Variants in KDM1B observed in about 807,000 individuals in gnomAD.
KDM1B encodes lysine demethylase 1B, also known as lysine-specific histone demethylase 2.
KDM1B carries 63 observed loss-of-function variants against 107.4 expected under a neutral mutation model. That is an observed-to-expected ratio of 0.59 (90% CI 0.48 to 0.72). The LOEUF (loss-of-function observed/expected upper bound fraction) is 0.72. Among genes scored for constraint, KDM1B ranks in the 30% least tolerant of loss-of-function variants. The pLI is 0.00. For missense variants in KDM1B, 749 were observed against 1,020.8 expected, an observed-to-expected ratio of 0.73 and a Z score of 3.63; for synonymous variants, 363 against 363.9, an observed-to-expected ratio of 1.00 and a Z score of 0.03.
chr6:18,200,872 C>T lies in KDM1B; in HGVS notation c.1359+296C>T, dbSNP rs1787986920. 6.6e-6 allele frequency among the ~76,000 whole-genome samples: 1 copy of T among 152,126 alleles called. No homozygotes were observed. The highest frequency in any genetic ancestry group is 2.4e-5 in the African/African-American group (1 of 41,414). Reference sequence around the variant, plus strand: ...TTAGCATATAAAAATCCAGAATTCTCAATTAAATTTCATTTTCAGATAAAC... The same window carrying T: ...TTAGCATATAAAAATCCAGAATTCTTAATTAAATTTCATTTTCAGATAAAC... On this transcript the variant is annotated intron_variant, in intron 13 of 21. Coordinates refer to ENST00000650836, the MANE Select transcript of KDM1B (RefSeq NM_001364614.2). This position sits in a 1 kb window ranked among gnomAD's most constrained non-coding sequence, Gnocchi z 4.3.
intron 7 of KDM1B, among the ~76,000 whole-genome samples, chr6:18,182,931 T>C (rs1043050513): frequency 1.6e-4 from 24 of 152,218 alleles, no homozygotes; most frequent in African/African-American, 5.5e-4. Context: ...TTTTAAACAT[T>C]TACTGTTCCT....
chr6:18,212,327 T>G lies in KDM1B; in HGVS notation c.1867-161T>G. ...TCTTCCCTGTGGTTGCCACTTCTGC[T>G]TAGCCAGGCATTGGCACCCTTGTGC... On this transcript the variant is annotated intron_variant, in intron 17 of 21. Coordinates refer to ENST00000650836, the MANE Select transcript of KDM1B (RefSeq NM_001364614.2). This position sits in a 1 kb window ranked among gnomAD's most constrained non-coding sequence, Gnocchi z 5.2. 3 of 667,612 alleles carry G rather than the reference T, an allele frequency of 4.5e-6. No individual in the cohort carries two copies. Among genetic ancestry groups the G allele is most frequent in the Admixed American group, 2.2e-5 (1 of 44,966 alleles). The allele number at this position is 667,612 out of a possible 1,614,324, so 41.4% of individuals were successfully genotyped here.
intron 6 of KDM1B, among the ~76,000 whole-genome samples, chr6:18,167,227 C>T (rs968234642): frequency 4.0e-5 from 6 of 151,446 alleles, no homozygotes; most frequent in Non-Finnish European, 8.8e-5. Context: ...CGTGGTGGCG[C>T]GCGCCTGTTG....
Position 18,196,979 on chromosome 6 carries a change from A to G in KDM1B, c.970-78A>G. On this transcript the variant is annotated intron_variant, in intron 10 of 21. Coordinates refer to ENST00000650836, the MANE Select transcript of KDM1B (RefSeq NM_001364614.2). ...TTCAGATCTTTTACTTGTCTTTTAAATGGATTGTTTTCCTGCTATTGTTTG... is the reference window on the plus strand; with the variant it reads ...TTCAGATCTTTTACTTGTCTTTTAAGTGGATTGTTTTCCTGCTATTGTTTG... The G allele has an allele frequency of 4.6e-6, 6 of 1,307,312 alleles. No individual in the cohort carries two copies. The South Asian group carries it at 6.7e-5, about 15-fold the overall frequency. The allele number at this position is 1,307,312 out of a possible 1,614,324, so 81.0% of individuals were successfully genotyped here.
intron 21 of KDM1B, 53 bp downstream of exon 21, chr6:18,217,938 A>C: frequency 6.4e-7 from 1 of 1,566,800 alleles, no homozygotes; most frequent in Non-Finnish European, 8.7e-7. Flanking sequence ...TCTGTCTTTC[A>C]TCTAAAATGA....
intron 5 of KDM1B, among the ~76,000 whole-genome samples, chr6:18,163,386 C>T (rs1000100555): frequency 9.9e-5 from 15 of 152,172 alleles, no homozygotes; most frequent in Non-Finnish European, 1.8e-4. Context: ...AGTCAAAGTT[C>T]TGGAACATCT....
chr6:18,159,991 C>G lies in KDM1B; in HGVS notation c.87+9C>G, dbSNP rs1460303433. 1 of 1,563,274 alleles carries G rather than the reference C, an allele frequency of 6.4e-7. No individual in the cohort carries two copies. The highest frequency in any genetic ancestry group is 8.7e-7 in the Non-Finnish European group (1 of 1,149,114). On this transcript the variant is annotated intron_variant, in intron 3 of 21. Transcript: ENST00000650836. The surrounding 1 kb of genome is among the most constrained non-coding windows in gnomAD (Gnocchi z 4.5). Reference sequence around the variant, plus strand: ...GGAGCTCCGGTAGGCAGGTAGTGTTCATTTATTCATTCAACAAGCCTTTTT... The same window carrying G: ...GGAGCTCCGGTAGGCAGGTAGTGTTGATTTATTCATTCAACAAGCCTTTTT...
chr6:18,155,436 A>AGCGGCGGCG lies in KDM1B; in HGVS notation c.-181_-173dup, dbSNP rs545050827. On this transcript the variant is annotated 5_prime_UTR_variant, in exon 1 of 22. Transcript: ENST00000650836. This position sits in a 1 kb window ranked among gnomAD's most constrained non-coding sequence, Gnocchi z 6.2. ...CGGGTCACGCCGTGACAGGGGCGGA[A>AGCGGCGGCG]GCGGCGGCGGCGGCGGCGGCCGAGA... 12 of 158,134 alleles carry AGCGGCGGCG rather than the reference A, an allele frequency of 7.6e-5. No individual in the cohort carries two copies. The highest frequency in any genetic ancestry group is 3.2e-3 in the Middle Eastern group (1 of 310). 9.8% of individuals were successfully genotyped at this position (158,134 alleles called of 1,614,324 possible).
At chr6:18,176,964 G>C (rs1786055812) in intron 7 of KDM1B, among the ~76,000 whole-genome samples, 2 of 152,150 alleles carry the variant, frequency 1.3e-5, no homozygotes, top group African/African-American at 2.4e-5. Flanking sequence ...TCCTGGTTTT[G>C]GTATTAGGGT....
At chr6:18,164,440 C>T (rs911400768) in intron 5 of KDM1B, among the ~76,000 whole-genome samples, 15 of 151,838 alleles carry the variant, frequency 9.9e-5, no homozygotes, top group Admixed American at 3.3e-4. Context: ...CACGCCTGGC[C>T]GTCATGTATT....
At chr6:18,216,735 A>C (rs571111683) in intron 20 of KDM1B, among the ~76,000 whole-genome samples, 4 of 152,312 alleles carry the variant, frequency 2.6e-5, no homozygotes, top group African/African-American at 9.6e-5. Flanking sequence ...CTCAGGAGTC[A>C]TCTCTGTTAT....
rs1789892405 is a variant in KDM1B at position 18,223,115 on chromosome 6, A to G, written c.*1123A>G. On this transcript the variant is annotated 3_prime_UTR_variant, in exon 22 of 22. Coordinates refer to ENST00000650836, the MANE Select transcript of KDM1B (RefSeq NM_001364614.2). ...TGGTTGCAGGGTCTTCAGGATGCCTATTTTGCCAAGAAACTTCAGTATACA... is the reference window on the plus strand; with the variant it reads ...TGGTTGCAGGGTCTTCAGGATGCCTGTTTTGCCAAGAAACTTCAGTATACA... 1 of 152,572 alleles carries G rather than the reference A, an allele frequency of 6.6e-6. No individual in the cohort carries two copies. The highest frequency in any genetic ancestry group is 2.4e-5 in the African/African-American group (1 of 41,426). 9.5% of individuals were successfully genotyped at this position (152,572 alleles called of 1,614,324 possible).
Position 18,201,471 on chromosome 6 carries a change from C to G in KDM1B, c.1360-15C>G, listed in dbSNP as rs779329244. On this transcript the variant is annotated splice_polypyrimidine_tract_variant and intron_variant, in intron 13 of 21. Transcript: ENST00000650836. The surrounding 1 kb of genome is among the most constrained non-coding windows in gnomAD (Gnocchi z 4.3). ...CAGGGAAAATTTTCACCTTCTTATT[C>G]TTATTATTTTGAAGCTTGGCATCAG... 15 of 1,537,762 alleles carry G rather than the reference C, an allele frequency of 9.8e-6. No homozygotes were observed. In the South Asian group the frequency reaches 1.7e-4, roughly 17 times the overall value.
chr6:18,209,424 A>G lies in KDM1B; in HGVS notation c.1866+1218A>G, dbSNP rs1157186776. Among the ~76,000 whole-genome samples the G allele has an allele frequency of 6.6e-6, 1 of 152,204 alleles. No homozygotes were observed. Among genetic ancestry groups the G allele is most frequent in the East Asian group, 1.9e-4 (1 of 5,200 alleles). On this transcript the variant is annotated intron_variant, in intron 17 of 21. Coordinates refer to ENST00000650836, the MANE Select transcript of KDM1B (RefSeq NM_001364614.2). The surrounding 1 kb of genome is among the most constrained non-coding windows in gnomAD (Gnocchi z 4.3). ...GTAAAGGACTGCATGTCACATGGGA[A>G]AGACAGGTCTAGGGAATGAGTTAGT...
At chr6:18,166,769 G>T (rs559174600) in intron 6 of KDM1B, among the ~76,000 whole-genome samples, 3 of 151,612 alleles carry the variant, frequency 2.0e-5, no homozygotes, top group African/African-American at 7.3e-5. Context: ...TTGGGGAATT[G>T]CTTGAGCTCA....
rs1387887670 is a variant in KDM1B at position 18,159,753 on chromosome 6, G to T, written c.-13-130G>T. 1.6e-6 allele frequency: 1 copy of T among 610,514 alleles called. No homozygotes were observed. The highest frequency in any genetic ancestry group is 2.8e-6 in the Non-Finnish European group (1 of 352,690). 37.8% of individuals were successfully genotyped at this position (610,514 alleles called of 1,614,324 possible). On this transcript the variant is annotated intron_variant, in intron 2 of 21. Coordinates refer to ENST00000650836, the MANE Select transcript of KDM1B (RefSeq NM_001364614.2). The surrounding 1 kb of genome is among the most constrained non-coding windows in gnomAD (Gnocchi z 4.5). The stretch of plus-strand genomic sequence containing the variant: ...CAAGAATGTCTCAAAAGAAAAGAAA[G>T]AAAACTGTAGCTTTGTATTTAGGCA...
intron 12 of KDM1B, among the ~76,000 whole-genome samples, chr6:18,199,043 A>G (rs1193138082): frequency 6.7e-6 from 1 of 149,620 alleles, no homozygotes; most frequent in Non-Finnish European, 1.5e-5. Flanking sequence ...AGAAAAAAAC[A>G]GAAAATTAGC....
At chr6:18,179,851 T>TC (rs1297671272) in intron 7 of KDM1B, among the ~76,000 whole-genome samples, 1 of 10,582 alleles carries the variant, frequency 9.5e-5, no homozygotes, top group Non-Finnish European at 2.9e-4. Context: ...TTTTTTTTCC[T>TC]TTTTTTTTTT....
In KDM1B at chr6:18,211,360, C is replaced by G. The variant is rs1425160068; in HGVS notation, c.1867-1128C>G. On this transcript the variant is annotated intron_variant, in intron 17 of 21. Transcript: ENST00000650836. The surrounding 1 kb of genome is among the most constrained non-coding windows in gnomAD (Gnocchi z 5.2). ...GCAGATATTAGAAAGCAAATACACA[C>G]ACTCTTCCCCAACTCCCTACAGCAG... The G allele has an allele frequency of 6.6e-6, 1 of 152,244 alleles. No homozygotes were observed. The highest frequency in any genetic ancestry group is 1.5e-5 in the Non-Finnish European group (1 of 68,080). The allele number at this position is 152,244 out of a possible 1,614,324, so 9.4% of individuals were successfully genotyped here. A position where few individuals can be genotyped will look rare whatever the true frequency, so the allele number is the denominator to read the frequency against.
Sources: gnomAD v4.1 joint callset for allele counts (sites outside exome capture counted in the v4.1 genomes callset) on GRCh38, gnomAD v4.1.1 for gene constraint, Gnocchi (gnomAD v3.1) non-coding constraint, MANE v1.5 for transcripts, NCBI Gene and HGNC (gene_info 2026-07-23, HGNC 2026-07-21) for gene names.